The following TTC34 variants were observed in gnomAD, a reference collection of about 807,000 sequenced individuals.
TTC34 encodes the protein tetratricopeptide repeat protein 34.
A neutral mutation model predicts 40.7 loss-of-function variants in TTC34; 44 were observed. The ratio of observed to expected loss-of-function variants is 1.08; its 90% CI spans 0.85 to 1.39. The LOEUF (loss-of-function observed/expected upper bound fraction) is 1.39, where lower values mean the gene tolerates loss of function less well. TTC34 is among the 40% of genes most tolerant of loss of function. TTC34 has a pLI of 0.00. For synonymous variants in TTC34, 422 were observed against 398.6 expected (o/e 1.06, Z -0.70); for missense variants, 884 against 838.0 (o/e 1.05, Z -0.68).
intron 7 of TTC34, 99 bp from the exon 8 acceptor site, chr1:2,644,577 T>G (rs778782007): frequency 8.0e-7 from 1 of 1,257,028 alleles, no homozygotes; most frequent in Non-Finnish European, 1.1e-6. Flanking sequence ...CTGTGCTGGC[T>G]TGCGGGGAGC....
At chr1:2,638,673 G>C (rs567237727) in exon 9 of TTC34, 15 of 152,440 alleles carry the variant, frequency 9.8e-5, no homozygotes, top group African/African-American at 3.4e-4. Context: ...CTCCAGGCGG[G>C]ACACCCAGGC....
chr1:2,797,319 C>T (rs530202140), intron 2 of TTC34, among the ~76,000 whole-genome samples: 46 of 151,734 alleles, frequency 3.0e-4, no homozygotes, highest in South Asian at 1.2e-3. Context: ...GGCTGGGGCA[C>T]GAGGAAAGGG....
chr1:2,748,948 A>C (rs1641230921), intron 6 of TTC34, among the ~76,000 whole-genome samples: 1 of 116,450 alleles, frequency 8.6e-6, no homozygotes, highest in Non-Finnish European at 1.7e-5. Flanking sequence ...ACAGACTGGA[A>C]CAGCACCCTG....
chr1:2,759,453 T>C (rs1358773596), intron 6 of TTC34, among the ~76,000 whole-genome samples: 28 of 60,906 alleles, frequency 4.6e-4, no homozygotes, highest in African/African-American at 8.1e-4. Flanking sequence ...GGCGAGCATC[T>C]GACAGCCTGG....
chr1:2,677,614 C>A (rs200266142), intron 6 of TTC34, among the ~76,000 whole-genome samples: 1,080 of 81,214 alleles, frequency 0.013, no homozygotes, highest in Middle Eastern at 0.051. Context: ...GCTGCCCCCC[C>A]AGGTGAGCAT....
At chr1:2,650,727 C>T (rs572207883) in intron 6 of TTC34, among the ~76,000 whole-genome samples, 16 of 150,088 alleles carry the variant, frequency 1.1e-4, no homozygotes, top group Middle Eastern at 3.7e-3. Flanking sequence ...ACTCTGACAA[C>T]GTAGAATGTC....
chr1:2,687,728 C>T (rs1362559674), intron 6 of TTC34, among the ~76,000 whole-genome samples: 170 of 149,992 alleles, frequency 1.1e-3, no homozygotes, highest in Admixed American at 2.6e-3. Context: ...CACCCACACC[C>T]CCAGGTGAAC....
rs1275060081 is a variant in TTC34 at position 2,751,688 on chromosome 1, C to A, written c.2226+31921G>T. The stretch of plus-strand genomic sequence containing the variant: ...GGACAGCCTGGATCAGCACCCACAA[C>A]CCCAAGCGAGCATCCGACAGCCTGG... On this transcript the variant is annotated intron_variant, in intron 6 of 8. Coordinates refer to ENST00000401095, the Ensembl canonical transcript of TTC34. Among the ~76,000 whole-genome samples the A allele has an allele frequency of 1.5e-4, 20 of 134,010 alleles. 1 individual carries two copies. The highest frequency in any genetic ancestry group is 5.4e-4 in the African/African-American group (17 of 31,370). 87.9% of individuals were successfully genotyped at this position (134,010 alleles called of 152,430 possible).
intron 6 of TTC34, among the ~76,000 whole-genome samples, chr1:2,653,585 G>A (rs1639227764): frequency 7.2e-6 from 1 of 139,814 alleles, no homozygotes; most frequent in African/African-American, 2.7e-5. Flanking sequence ...GTGAGCATCT[G>A]ACATCGTGGA....
At chr1:2,785,669 T>G in intron 5 of TTC34, 150 bp downstream of exon 5, 1 of 798,614 alleles carries the variant, frequency 1.3e-6, no homozygotes, top group Middle Eastern at 3.9e-4. Flanking sequence ...CCTCAGCGAG[T>G]GGCCCTTGCC....
chr1:2,749,768 C>T (rs1203122110), intron 6 of TTC34, among the ~76,000 whole-genome samples: 1 of 78,150 alleles, frequency 1.3e-5, no homozygotes, highest in Non-Finnish European at 2.4e-5. Flanking sequence ...CCCACACCCC[C>T]AGGCGAGCAT....
At chr1:2,768,618 A>G (rs1569749647) in intron 6 of TTC34, among the ~76,000 whole-genome samples, 2 of 152,072 alleles carry the variant, frequency 1.3e-5, no homozygotes, top group East Asian at 3.9e-4. Context: ...ATGGTACCCC[A>G]CATGCAGGTG....
At chr1:2,687,714 A>T (rs1640429180) in intron 6 of TTC34, among the ~76,000 whole-genome samples, 2 of 146,344 alleles carry the variant, frequency 1.4e-5, no homozygotes, top group Admixed American at 6.7e-5. Context: ...ACAGCCGGGA[A>T]CAGCACCCAC....
chr1:2,754,126 C>T (rs1641420638), intron 6 of TTC34, among the ~76,000 whole-genome samples: 1 of 32,402 alleles, frequency 3.1e-5, no homozygotes, highest in Non-Finnish European at 4.8e-5. Context: ...CAGCCTGGGT[C>T]CGCACCCACA....
At chr1:2,789,455 G>A (rs914399506) in intron 3 of TTC34, 48 bp downstream of exon 3, 1 of 1,479,622 alleles carries the variant, frequency 6.8e-7, no homozygotes, top group East Asian at 2.7e-5. Flanking sequence ...TACCTCGAAG[G>A]AGACCCGCAG....
At chr1:2,751,465 C>G (rs1487262286) in intron 6 of TTC34, among the ~76,000 whole-genome samples, 1 of 72,800 alleles carries the variant, frequency 1.4e-5, no homozygotes, top group Admixed American at 1.8e-4. Context: ...GAGCATCTGA[C>G]AGACTGGAAC....
intron 6 of TTC34, among the ~76,000 whole-genome samples, chr1:2,780,891 A>G (rs1643472198): frequency 6.6e-6 from 1 of 152,218 alleles, no homozygotes; most frequent in Non-Finnish European, 1.5e-5. Flanking sequence ...ATACATGAAC[A>G]TGGAATGTGT....
intron 6 of TTC34, among the ~76,000 whole-genome samples, chr1:2,656,349 T>C (rs1294857676): frequency 4.2e-5 from 6 of 141,412 alleles, no homozygotes; most frequent in South Asian, 2.2e-4. Context: ...CAGGTGAGCA[T>C]CTGACAGCCT....
chr1:2,797,592 T>C (rs10909851), intron 2 of TTC34, among the ~76,000 whole-genome samples: 12,033 of 152,224 alleles, frequency 0.079, 646 homozygotes, highest in Admixed American at 0.15. Context: ...AAGGGTTTGC[T>C]GTGCATGTTT....
Sources: allele counts gnomAD v4.1 joint callset (sites outside exome capture counted in the v4.1 genomes callset), GRCh38; gene constraint gnomAD v4.1.1; transcripts MANE v1.5; gene names NCBI Gene and HGNC (gene_info 2026-07-23, HGNC 2026-07-21).